Variants in ARAP2 observed in about 807,000 individuals in gnomAD.
The protein encoded by ARAP2 is arf-GAP with Rho-GAP domain, ANK repeat and PH domain-containing protein 2.
Under a neutral mutation model 194.5 loss-of-function variants are expected in ARAP2, and 148 were observed. The observed-to-expected ratio is 0.76, with a 90% CI of 0.67 to 0.87. The LOEUF (loss-of-function observed/expected upper bound fraction) is 0.87, where lower values mean the gene tolerates loss of function less well. ARAP2 is among the 40% of genes least tolerant of loss of function. The probability of loss-of-function intolerance (pLI) is 0.00; values close to 1 mark genes in which losing one functional copy is unlikely to be tolerated. For synonymous variants in ARAP2, 695 were observed against 683.5 expected (o/e 1.02, Z -0.26); for missense variants, 2,128 against 1,989.7 (o/e 1.07, Z -1.32).
intron 27 of ARAP2, among the ~76,000 whole-genome samples, chr4:36,095,105 G>A (rs1714808024): frequency 6.6e-6 from 1 of 152,120 alleles, no homozygotes; most frequent in African/African-American, 2.4e-5. Flanking sequence ...TTCCTTCCCA[G>A]GAAAACTCTG....
Position 36,014,150 on chromosome 4 carries a change from G to C in ARAP2, n.1056+1236C>G, listed in dbSNP as rs1022826546. Among the ~76,000 whole-genome samples the C allele has an allele frequency of 7.3e-5, 11 of 151,000 alleles. 1 individual carries two copies. Among genetic ancestry groups the C allele is most frequent in the African/African-American group, 2.7e-4 (11 of 40,872 alleles). ...GACTGAGGTGGAAGGATCTTGAGCC[G>C]AGGGAGGTTGAAGCTGCAGTGAGCT... is the stretch of plus-strand genomic sequence containing the variant. On this transcript the variant is annotated intron_variant and non_coding_transcript_variant, in intron 8 of 12. Transcript: ENST00000503225.
intron 12 of ARAP2, 109 bp downstream of exon 12, chr4:36,161,356 C>G: frequency 1.3e-6 from 1 of 788,300 alleles, no homozygotes; most frequent in South Asian, 1.6e-5. Context: ...AGAACTTTAT[C>G]AAACAGCCCC....
chr4:36,022,719 A>C (rs1717215370), intron 5 of ARAP2, among the ~76,000 whole-genome samples: 1 of 152,282 alleles, frequency 6.6e-6, no homozygotes. Context: ...TAAGAGTTTA[A>C]GTTTAAGAAA....
At chr4:36,110,731 G>A (rs1288691738) in intron 26 of ARAP2, among the ~76,000 whole-genome samples, 1 of 151,806 alleles carries the variant, frequency 6.6e-6, no homozygotes, top group Non-Finnish European at 1.5e-5. Context: ...AAGAAGAAAA[G>A]ATGACTGCTG....
intron 5 of ARAP2, among the ~76,000 whole-genome samples, chr4:36,024,794 T>C (rs1036796217): frequency 6.6e-6 from 1 of 152,136 alleles, no homozygotes; most frequent in East Asian, 1.9e-4. Flanking sequence ...CTAAATACTA[T>C]ATATTATATT....
intron 6 of ARAP2, 72 bp downstream of exon 6, chr4:36,210,318 G>A: frequency 1.4e-6 from 2 of 1,380,518 alleles, no homozygotes; most frequent in Non-Finnish European, 9.8e-7. Context: ...CAGCAACCCT[G>A]GAGGTTTAGA....
Position 36,171,616 on chromosome 4 carries a change from C to T in ARAP2, c.1858-4569G>A, listed in dbSNP as rs889688099. Among the ~76,000 whole-genome samples the T allele has an allele frequency of 2.6e-5, 4 of 151,882 alleles. No homozygotes were observed. The South Asian group carries it at 6.2e-4, about 24-fold the overall frequency. ...AGCACACCAGCATGGCACATGTATA[C>T]ATATGTAACTAACCTGCACATTGTG... On this transcript the variant is annotated intron_variant, in intron 9 of 32. Transcript: ENST00000303965.
intron 9 of ARAP2, among the ~76,000 whole-genome samples, chr4:36,011,769 C>A (rs1203341861): frequency 6.6e-6 from 1 of 151,806 alleles, no homozygotes; most frequent in East Asian, 2.0e-4. Flanking sequence ...AAGTATATAT[C>A]ACAGTTTTAA....
intron 5 of ARAP2, among the ~76,000 whole-genome samples, chr4:36,032,037 T>A (rs1719069579): frequency 6.6e-6 from 1 of 152,178 alleles, no homozygotes; most frequent in South Asian, 2.1e-4. Flanking sequence ...TGATATTTGC[T>A]AAAACAGCAA....
intron 8 of ARAP2, among the ~76,000 whole-genome samples, chr4:36,012,989 T>A (rs1200815081): frequency 6.6e-6 from 1 of 152,198 alleles, no homozygotes; most frequent in African/African-American, 2.4e-5. Context: ...TTTGTAAATA[T>A]AATGCCTTTT....
In ARAP2 at chr4:36,160,497, T is replaced by A. The variant is rs756953830; in HGVS notation, c.2404A>T (p.Thr802Ser). The A allele has an allele frequency of 2.7e-5, 42 of 1,569,026 alleles. No homozygotes were observed. Among genetic ancestry groups the A allele is most frequent in the Non-Finnish European group, 3.4e-5 (40 of 1,163,468 alleles). Residue 802 changes from threonine (T) to serine (S), a missense_variant, in exon 13 of 33, where the codon ACT becomes TCT. Physicochemically the swap from Thr to Ser is moderately conservative, Grantham distance 58. Coordinates refer to ENST00000303965, the MANE Select transcript of ARAP2 (RefSeq NM_015230.4). ...TCTTTGGTGAGAGATGCCAAAAGAG[T>A]TTTTCTGAATTTTCCTTCTTTATAT... is the stretch of plus-strand genomic sequence containing the variant. The part of the protein sequence containing the change: ...QKYKEGKFRK[T>S]LLASLTKEEL...
Position 36,044,494 on chromosome 4 carries a change from T to C in ARAP2, n.607+1485A>G, listed in dbSNP as rs74349488. On this transcript the variant is annotated intron_variant and non_coding_transcript_variant, in intron 5 of 12. Transcript: ENST00000503225. ...TAACATATTTGTATGCTGGTGATAA[T>C]TGGCTATTCACTTGCTGAAACTGGA... Among the ~76,000 whole-genome samples, 40 of 152,288 alleles carry C rather than the reference T, an allele frequency of 2.6e-4. No individual in the cohort carries two copies. In the East Asian group the frequency reaches 7.7e-3, roughly 29 times the overall value.
At position 36,187,310 on chromosome 4, in the gene ARAP2, C is replaced by T. The variant is rs1037108044; in HGVS notation, c.1678+141G>A. On this transcript the variant is annotated intron_variant, in intron 8 of 32. Coordinates refer to ENST00000303965, the MANE Select transcript of ARAP2 (RefSeq NM_015230.4). ...AACTTATTTATGTTTTAACATTATG[C>T]ATTTGAAAAATTAATTTTAAAATGT... The T allele has an allele frequency of 1.1e-5, 5 of 438,740 alleles. No individual in the cohort carries two copies. The Middle Eastern group carries it at 1.9e-3, about 168-fold the overall frequency. The allele number at this position is 438,740 out of a possible 1,614,324, so 27.2% of individuals were successfully genotyped here. A position where few individuals can be genotyped will look rare whatever the true frequency, so the allele number is the denominator to read the frequency against.
At chr4:36,177,553 CTAAA>C (rs1738245071) in intron 9 of ARAP2, among the ~76,000 whole-genome samples, 3 of 152,048 alleles carry the variant, frequency 2.0e-5, no homozygotes, top group African/African-American at 7.2e-5. Context: ...GTCATTTCAA[CTAAA>C]TAAGACTTTT....
At chr4:36,069,941 T>C (rs1726428180) in intron 32 of ARAP2, among the ~76,000 whole-genome samples, 1 of 152,040 alleles carries the variant, frequency 6.6e-6, no homozygotes, top group African/African-American at 2.4e-5. Flanking sequence ...TTCCCCCCTC[T>C]CTCTCTTGCT....
chr4:36,071,693 A>ATT (rs55918222), intron 32 of ARAP2, among the ~76,000 whole-genome samples: 8 of 147,222 alleles, frequency 5.4e-5, no homozygotes, highest in South Asian at 2.1e-4. Context: ...TTTTTTTTTA[A>ATT]TTTTTTTTCT....
At chr4:36,090,025 TAAAGA>T (rs1193630107) in intron 28 of ARAP2, among the ~76,000 whole-genome samples, 2 of 151,772 alleles carry the variant, frequency 1.3e-5, no homozygotes, top group African/African-American at 4.8e-5. Context: ...GCTTGACTAA[TAAAGA>T]AGAGAGAATA....
At chr4:36,080,176 G>T in intron 31 of ARAP2, 40 bp downstream of exon 31, 2 of 1,542,544 alleles carry the variant, frequency 1.3e-6, no homozygotes, top group African/African-American at 1.4e-5. Context: ...TGTAAACAAA[G>T]TTATTATACT....
At chr4:36,087,964 A>G (rs1712366654) in intron 28 of ARAP2, among the ~76,000 whole-genome samples, 2 of 152,096 alleles carry the variant, frequency 1.3e-5, no homozygotes. Context: ...GAATAATAAG[A>G]GTACCAATTT....
Sources: allele counts gnomAD v4.1 joint callset (sites outside exome capture counted in the v4.1 genomes callset), GRCh38; gene constraint gnomAD v4.1.1; transcripts MANE v1.5; gene names NCBI Gene and HGNC (gene_info 2026-07-23, HGNC 2026-07-21).